STXBP5L: variants seen among roughly 807,000 people sequenced by gnomAD.
The protein encoded by STXBP5L is syntaxin-binding protein 5-like.
A neutral mutation model predicts 144.5 loss-of-function variants in STXBP5L; 65 were observed. The ratio of observed to expected loss-of-function variants is 0.45; its 90% CI spans 0.37 to 0.55. The LOEUF (loss-of-function observed/expected upper bound fraction) is 0.55, where lower values mean the gene tolerates loss of function less well. Ranked by LOEUF, STXBP5L falls within the 20% of genes least tolerant of loss-of-function variation. The probability of loss-of-function intolerance (pLI) is 0.00; values close to 1 mark genes in which losing one functional copy is unlikely to be tolerated. For missense variants in STXBP5L, 1,298 were observed against 1,405.5 expected (o/e 0.92, Z 1.22); for synonymous variants, 505 against 469.6 (o/e 1.08, Z -0.97).
intron 2 of STXBP5L, among the ~76,000 whole-genome samples, chr3:120,933,062 G>A: frequency 8.1e-6 from 1 of 122,900 alleles, no homozygotes; most frequent in African/African-American, 3.0e-5. Flanking sequence ...TGGGGGGAGG[G>A]GGAGGGATAG....
intron 11 of STXBP5L, among the ~76,000 whole-genome samples, chr3:121,233,099 A>T (rs943954468): frequency 6.6e-5 from 10 of 152,210 alleles, no homozygotes; most frequent in Admixed American, 6.5e-4. Flanking sequence ...GTTGAACCAG[A>T]TTGATATGAT....
At chr3:121,201,689 G>T (rs903237494) in intron 9 of STXBP5L, among the ~76,000 whole-genome samples, 1 of 151,720 alleles carries the variant, frequency 6.6e-6, no homozygotes, top group Non-Finnish European at 1.5e-5. Context: ...CTTCCTTCAG[G>T]AGCTCTTGTA....
intron 19 of STXBP5L, among the ~76,000 whole-genome samples, chr3:121,318,179 C>G (rs887871950): frequency 6.6e-6 from 1 of 151,854 alleles, no homozygotes; most frequent in African/African-American, 2.4e-5. Flanking sequence ...CAGAATAGGC[C>G]AGGCATGGTG....
chr3:121,054,947 T>C (rs1296163081), intron 5 of STXBP5L, among the ~76,000 whole-genome samples: 3 of 152,146 alleles, frequency 2.0e-5, no homozygotes, highest in African/African-American at 7.2e-5. Flanking sequence ...TTGAAGGCAA[T>C]GTTCTGGCCC....
intron 3 of STXBP5L, among the ~76,000 whole-genome samples, chr3:121,001,443 C>T (rs1318438697): frequency 6.6e-6 from 1 of 152,182 alleles, no homozygotes; most frequent in African/African-American, 2.4e-5. Flanking sequence ...TCAAAAAATA[C>T]CTAAGCCACC....
intron 3 of STXBP5L, among the ~76,000 whole-genome samples, chr3:121,035,031 CT>C (rs1471196143): frequency 6.6e-6 from 1 of 151,868 alleles, no homozygotes; most frequent in East Asian, 1.9e-4. Context: ...GAAAAAATGC[CT>C]GTTCATGTCC....
intron 20 of STXBP5L, among the ~76,000 whole-genome samples, chr3:121,331,312 C>A (rs752330993): frequency 1.3e-5 from 2 of 152,158 alleles, no homozygotes; most frequent in Non-Finnish European, 1.5e-5. Flanking sequence ...AACTTCTCCC[C>A]CTTGCTCGCC....
intron 3 of STXBP5L, among the ~76,000 whole-genome samples, chr3:121,024,488 G>T (rs747861649): frequency 3.3e-5 from 5 of 152,132 alleles, no homozygotes; most frequent in Non-Finnish European, 7.3e-5. Flanking sequence ...ACCTTTCAGT[G>T]TTCTGTCAGC....
intron 22 of STXBP5L, among the ~76,000 whole-genome samples, chr3:121,395,641 C>T (rs2046709728): frequency 6.6e-6 from 1 of 152,082 alleles, no homozygotes; most frequent in Non-Finnish European, 1.5e-5. Flanking sequence ...GGCATTATTG[C>T]CAGCCAAGTT....
At chr3:121,261,424 A>T (rs1042029026) in intron 18 of STXBP5L, among the ~76,000 whole-genome samples, 1 of 152,208 alleles carries the variant, frequency 6.6e-6, no homozygotes, top group Non-Finnish European at 1.5e-5. Flanking sequence ...ATCTCATTTT[A>T]TGGCCAACAT....
chr3:121,264,777 G>C (rs936514840), intron 18 of STXBP5L, among the ~76,000 whole-genome samples: 1 of 144,200 alleles, frequency 6.9e-6, no homozygotes, highest in African/African-American at 2.6e-5. Context: ...AAGGGATGGA[G>C]GAATGTTTAC....
At chr3:120,981,723 C>T in intron 3 of STXBP5L, among the ~76,000 whole-genome samples, 1 of 152,132 alleles carries the variant, frequency 6.6e-6, no homozygotes, top group East Asian at 1.9e-4. Flanking sequence ...TGATGTGATC[C>T]TTTGCAGGTG....
intron 9 of STXBP5L, among the ~76,000 whole-genome samples, chr3:121,186,411 C>G (rs938770630): frequency 3.3e-5 from 5 of 152,068 alleles, no homozygotes; most frequent in African/African-American, 1.2e-4. Context: ...TTTGCCCATT[C>G]AGTATATTGA....
intron 22 of STXBP5L, among the ~76,000 whole-genome samples, chr3:121,386,784 T>G (rs779590641): frequency 6.6e-6 from 1 of 152,208 alleles, no homozygotes; most frequent in Non-Finnish European, 1.5e-5. Flanking sequence ...TGTGCCAAAT[T>G]TTCTTAATCC....
chr3:121,367,472 T>C (rs1286796347), intron 20 of STXBP5L, among the ~76,000 whole-genome samples: 2 of 152,096 alleles, frequency 1.3e-5, no homozygotes, highest in East Asian at 3.8e-4. Flanking sequence ...CCTTCTACTT[T>C]CCATCCAAAG....
intron 5 of STXBP5L, among the ~76,000 whole-genome samples, chr3:121,069,457 G>T (rs1255009234): frequency 4.6e-5 from 7 of 151,842 alleles, no homozygotes; most frequent in African/African-American, 7.3e-5. Context: ...ATGATCATTT[G>T]TGTGCAAGTA....
intron 5 of STXBP5L, among the ~76,000 whole-genome samples, chr3:121,090,557 G>A (rs2042728222): frequency 6.6e-6 from 1 of 152,130 alleles, no homozygotes. Flanking sequence ...TTTTGCTCCT[G>A]TGGAACAGAA....
Position 121,407,609 on chromosome 3 carries a change from T to C in STXBP5L, c.2948+6T>C. The C allele has an allele frequency of 6.2e-7, 1 of 1,612,856 alleles. No homozygotes were observed. Among genetic ancestry groups the C allele is most frequent in the Non-Finnish European group, 8.5e-7 (1 of 1,179,402 alleles). ...GGACATATCATGATAATGAGGTACT[T>C]GCCTTCTTATAAATTATCTGGTAAT... On this transcript the variant is annotated splice_donor_region_variant and intron_variant, in intron 23 of 26. Coordinates refer to ENST00000471454, the MANE Select transcript of STXBP5L (RefSeq NM_001308330.2).
At chr3:121,378,574 A>G in intron 20 of STXBP5L, 142 bp from the exon 21 acceptor site, 1 of 973,574 alleles carries the variant, frequency 1.0e-6, no homozygotes, top group Non-Finnish European at 1.4e-6. Flanking sequence ...AAGTCTTAAA[A>G]GAACAAGGAC....
Sources: gnomAD v4.1 joint callset for allele counts (sites outside exome capture counted in the v4.1 genomes callset) on GRCh38, gnomAD v4.1.1 for gene constraint, MANE v1.5 for transcripts, NCBI Gene and HGNC (gene_info 2026-07-23, HGNC 2026-07-21) for gene names.